ALDH3A2: variants seen among roughly 807,000 people sequenced by gnomAD.
ALDH3A2 encodes the protein aldehyde dehydrogenase 3 family member A2.
A neutral mutation model predicts 51.3 loss-of-function variants in ALDH3A2; 36 were observed. The observed-to-expected ratio is 0.70, with a 90% CI of 0.54 to 0.93. The LOEUF (loss-of-function observed/expected upper bound fraction) is 0.93. Ranked by LOEUF, ALDH3A2 falls within the 40% of genes least tolerant of loss-of-function variation. The pLI is 0.00. For synonymous variants in ALDH3A2, 199 were observed against 219.8 expected (o/e 0.91, Z 0.84); for missense variants, 552 against 603.1 (o/e 0.92, Z 0.89).
intron 2 of ALDH3A2, 73 bp from the exon 3 acceptor site, chr17:19,652,474 C>T (rs2084829014): frequency 1.7e-6 from 2 of 1,147,798 alleles, no homozygotes; most frequent in Non-Finnish European, 1.3e-6. Flanking sequence ...CCTGTTCTTC[C>T]CACTGAACAT....
In ALDH3A2 at chr17:19,654,434, C is replaced by T. The variant is rs964526262; in HGVS notation, c.471+1802C>T. Among the ~76,000 whole-genome samples the T allele has an allele frequency of 3.9e-5, 6 of 152,202 alleles. No individual in the cohort carries two copies. Among genetic ancestry groups the T allele is most frequent in the South Asian group, 2.1e-4 (1 of 4,836 alleles). The stretch of plus-strand genomic sequence containing the variant: ...GGCGGGGTGGGGGCCTTGGGCATGG[C>T]GGGCTGCAGGTCCCGAGCCCTGCCC... On this transcript the variant is annotated intron_variant, in intron 3 of 9. Coordinates refer to ENST00000176643, the MANE Select transcript of ALDH3A2 (RefSeq NM_000382.3). This position sits in a 1 kb window ranked among gnomAD's most constrained non-coding sequence, Gnocchi z 4.5.
chr17:19,651,607 C>G lies in ALDH3A2; in HGVS notation c.214C>G (p.Leu72Val). The change falls in exon 2 of 10, where the codon CTT (leucine) becomes GTT (valine). Residue 72 changes from leucine to valine, a missense_variant. Coordinates refer to ENST00000176643, the MANE Select transcript of ALDH3A2 (RefSeq NM_000382.3). The stretch of plus-strand genomic sequence containing the variant: ...TGTCCTTGGGGAAATTGATTTTATG[C>G]TTGAGAATCTTCCTGAATGGGTTAC... ...ITVLGEIDFM[L>V]ENLPEWVTAK... is the part of the protein sequence containing the mutation. The G allele has an allele frequency of 6.2e-7, 1 of 1,614,148 alleles. No individual in the cohort carries two copies. The highest frequency in any genetic ancestry group is 8.5e-7 in the Non-Finnish European group (1 of 1,180,024).
intron 6 of ALDH3A2, among the ~76,000 whole-genome samples, chr17:19,662,794 T>C (rs985814278): frequency 1.3e-5 from 2 of 152,196 alleles, no homozygotes; most frequent in Admixed American, 1.3e-4. Context: ...TAGAAAGACC[T>C]GTCCATTCGA....
At chr17:19,658,473 C>T (rs2084925586) in intron 5 of ALDH3A2, among the ~76,000 whole-genome samples, 1 of 151,670 alleles carries the variant, frequency 6.6e-6, no homozygotes, top group Non-Finnish European at 1.5e-5. Flanking sequence ...GCCTGTAATC[C>T]CAGCACTTTG....
At chr17:19,661,360 A>G (rs2084964483) in intron 6 of ALDH3A2, 92 bp downstream of exon 6, 4 of 1,397,796 alleles carry the variant, frequency 2.9e-6, no homozygotes, top group East Asian at 2.4e-5. Context: ...TATTAAATAT[A>G]TAGCATTTAA....
chr17:19,668,947 C>T (rs1400159218), intron 8 of ALDH3A2, among the ~76,000 whole-genome samples: 2 of 139,462 alleles, frequency 1.4e-5, no homozygotes, highest in Non-Finnish European at 1.6e-5. Context: ...GTTTCCTTCC[C>T]TCCCTCCCTC....
At chr17:19,675,399 G>A (rs2085174197) in intron 9 of ALDH3A2, 159 bp from the exon 10 acceptor site, 1 of 760,810 alleles carries the variant, frequency 1.3e-6, no homozygotes, top group Admixed American at 2.2e-5. Flanking sequence ...GTGCTTCCTA[G>A]GCTTCCTAGG....
intron 3 of ALDH3A2, among the ~76,000 whole-genome samples, chr17:19,653,297 G>T (rs1278581832): frequency 6.6e-6 from 1 of 151,984 alleles, no homozygotes; most frequent in Non-Finnish European, 1.5e-5. Flanking sequence ...CGCCCAGCTT[G>T]GCCTCCGAAA....
At chr17:19,659,196 A>C (rs1161365205) in intron 5 of ALDH3A2, among the ~76,000 whole-genome samples, 1 of 152,126 alleles carries the variant, frequency 6.6e-6, no homozygotes, top group Non-Finnish European at 1.5e-5. Flanking sequence ...ATGCTACTGC[A>C]CTCCAGCCTG....
chr17:19,673,324 G>A (rs1597574977), intron 9 of ALDH3A2: 2 of 1,599,670 alleles, frequency 1.3e-6, no homozygotes, highest in East Asian at 2.2e-5. Context: ...CCAAGTTGGG[G>A]TATGTTTTCA....
chr17:19,657,127 T>C (rs922289615), intron 4 of ALDH3A2, among the ~76,000 whole-genome samples: 1 of 152,256 alleles, frequency 6.6e-6, no homozygotes, highest in African/African-American at 2.4e-5. Flanking sequence ...CTCTGGGTGG[T>C]GTGGCTTTCT....
rs770887210 is a variant in ALDH3A2, at chr17:19,651,791, C to G, written c.385+13C>G. Reference sequence around the variant, plus strand: ...GCCATCGCTGCAGGTCTGGTGCCACCTTATGTCTATATACCTTTTTAGGGA... The same window carrying G: ...GCCATCGCTGCAGGTCTGGTGCCACGTTATGTCTATATACCTTTTTAGGGA... On this transcript the variant is annotated intron_variant, in intron 2 of 9. Coordinates refer to ENST00000176643, the MANE Select transcript of ALDH3A2 (RefSeq NM_000382.3). The G allele has an allele frequency of 3.7e-6, 6 of 1,606,752 alleles. No individual in the cohort carries two copies. Among genetic ancestry groups the G allele is most frequent in the Non-Finnish European group, 5.1e-6 (6 of 1,173,342 alleles).
intron 6 of ALDH3A2, chr17:19,661,545 A>G: frequency 2.5e-6 from 1 of 398,060 alleles, no homozygotes; most frequent in South Asian, 2.8e-5. Context: ...GCAGAATAGA[A>G]CTTGATGTAA....
chr17:19,669,948 G>T (rs557991300), intron 8 of ALDH3A2, among the ~76,000 whole-genome samples: 3 of 152,146 alleles, frequency 2.0e-5, no homozygotes, highest in African/African-American at 7.2e-5. Flanking sequence ...TCAAATGCAC[G>T]CATTTTAGAG....
At chr17:19,662,634 C>T in intron 6 of ALDH3A2, among the ~76,000 whole-genome samples, 1 of 152,090 alleles carries the variant, frequency 6.6e-6, no homozygotes, top group Non-Finnish European at 1.5e-5. Flanking sequence ...GAACAGTGGA[C>T]TAAGGTTTAG....
rs1291289435 is a variant in ALDH3A2 at position 19,675,622 on chromosome 17, T to G, written c.*50T>G. 1 of 1,564,430 alleles carries G rather than the reference T, an allele frequency of 6.4e-7. No individual in the cohort carries two copies. Among genetic ancestry groups the G allele is most frequent in the South Asian group, 1.1e-5 (1 of 89,962 alleles). On this transcript the variant is annotated 3_prime_UTR_variant, in exon 10 of 10. Transcript: ENST00000176643. ...GTGCCTCTACTGAATTATTCCTCTT[T>G]TAAATGGTTAATGAACCAATAATTT... is the stretch of plus-strand genomic sequence containing the variant.
In ALDH3A2 at chr17:19,656,351, T is replaced by C. The variant is rs979228845; in HGVS notation, c.472-15T>C. 1 of 1,606,002 alleles carries C rather than the reference T, an allele frequency of 6.2e-7. No individual in the cohort carries two copies. The highest frequency in any genetic ancestry group is 1.1e-5 in the South Asian group (1 of 90,812). On this transcript the variant is annotated splice_polypyrimidine_tract_variant and intron_variant, in intron 3 of 9. Transcript: ENST00000176643. The stretch of plus-strand genomic sequence containing the variant: ...TATTTGGCAGTGCAAGAGTTTGTGT[T>C]TCTCTTTCTTTGAGGATCTCTATAT...
chr17:19,670,743 A>G (rs889281610), intron 8 of ALDH3A2, among the ~76,000 whole-genome samples: 1 of 152,090 alleles, frequency 6.6e-6, no homozygotes, highest in Non-Finnish European at 1.5e-5. Flanking sequence ...TTGTATTTTT[A>G]GTAGAGACGG....
At chr17:19,661,815 C>T (rs191922178) in intron 6 of ALDH3A2, among the ~76,000 whole-genome samples, 2 of 151,254 alleles carry the variant, frequency 1.3e-5, no homozygotes, top group Non-Finnish European at 2.9e-5. Context: ...GAAGCTGCAC[C>T]ACCTAGCTTT....
Sources: allele counts gnomAD v4.1 joint callset (sites outside exome capture counted in the v4.1 genomes callset), GRCh38; gene constraint gnomAD v4.1.1; non-coding constraint Gnocchi (gnomAD v3.1); transcripts MANE v1.5; gene names NCBI Gene and HGNC (gene_info 2026-07-23, HGNC 2026-07-21).